CARMIL1: variants seen among roughly 807,000 people sequenced by gnomAD.
The protein encoded by CARMIL1 is F-actin-uncapping protein LRRC16A.
Under a neutral mutation model 177.1 loss-of-function variants are expected in CARMIL1, and 90 were observed. The ratio of observed to expected loss-of-function variants is 0.51; its 90% CI spans 0.43 to 0.61. CARMIL1 has a LOEUF of 0.61. Among genes scored for constraint, CARMIL1 ranks in the 20% least tolerant of loss-of-function variants. CARMIL1 has a pLI of 0.00. For synonymous variants in CARMIL1, 577 were observed against 606.2 expected (o/e 0.95, Z 0.71); for missense variants, 1,380 against 1,667.0 (o/e 0.83, Z 3.00).
rs1759640666 is a variant in CARMIL1, at chr6:25,620,321, T to C, written c.*738T>C. The C allele has an allele frequency of 6.6e-6, 1 of 152,136 alleles. No individual in the cohort carries two copies. Among genetic ancestry groups the C allele is most frequent in the South Asian group, 2.1e-4 (1 of 4,822 alleles). 9.4% of individuals were successfully genotyped at this position (152,136 alleles called of 1,614,324 possible). On this transcript the variant is annotated 3_prime_UTR_variant, in exon 37 of 37. Transcript: ENST00000329474. Reference sequence around the variant, plus strand: ...ATGTATATAGTTGATTGGAATGAGGTTTTATGAATATTCATGTTTTTGAAG... The same window carrying C: ...ATGTATATAGTTGATTGGAATGAGGCTTTATGAATATTCATGTTTTTGAAG...
chr6:25,486,330 A>T (rs1802653504), intron 12 of CARMIL1, among the ~76,000 whole-genome samples: 1 of 152,136 alleles, frequency 6.6e-6, no homozygotes, highest in Non-Finnish European at 1.5e-5. Context: ...CATGAAGCTG[A>T]GCTGATAACA....
At chr6:25,467,736 G>C (rs1478751608) in intron 9 of CARMIL1, among the ~76,000 whole-genome samples, 2 of 152,128 alleles carry the variant, frequency 1.3e-5, no homozygotes, top group African/African-American at 4.8e-5. Flanking sequence ...GGATGTGAGG[G>C]CTGCTTATGC....
chr6:25,352,623 G>T (rs1434458130), intron 2 of CARMIL1, among the ~76,000 whole-genome samples: 1 of 152,050 alleles, frequency 6.6e-6, no homozygotes, highest in Non-Finnish European at 1.5e-5. Context: ...GTTTTTTAAA[G>T]CTTATTTATT....
intron 23 of CARMIL1, among the ~76,000 whole-genome samples, chr6:25,521,738 C>G (rs1806586120): frequency 6.7e-6 from 1 of 150,000 alleles, no homozygotes; most frequent in Non-Finnish European, 1.5e-5. Flanking sequence ...CCACTGCACT[C>G]CAGCCTGGCC....
Position 25,556,856 on chromosome 6 carries a change from AC to A in CARMIL1, c.2742+7del, listed in dbSNP as rs769724471. ...AAGATCTGGATACCTGTATGGTAAG[AC>A]ACATCCTCTGGTGGTACCGTTACCC... On this transcript the variant is annotated splice_region_variant and intron_variant, in intron 29 of 36. Transcript: ENST00000329474. 1.6e-5 allele frequency: 25 copies of A among 1,612,604 alleles called. No homozygotes were observed. Among genetic ancestry groups the A allele is most frequent in the Non-Finnish European group, 2.0e-5 (24 of 1,179,354 alleles).
intron 2 of CARMIL1, among the ~76,000 whole-genome samples, chr6:25,285,711 G>A (rs1388619130): frequency 6.6e-6 from 1 of 151,918 alleles, no homozygotes; most frequent in Non-Finnish European, 1.5e-5. Context: ...ATAGTATATC[G>A]AACTCTGTGT....
intron 2 of CARMIL1, among the ~76,000 whole-genome samples, chr6:25,357,370 C>T (rs758869277): frequency 6.6e-6 from 1 of 152,086 alleles, no homozygotes; most frequent in Non-Finnish European, 1.5e-5. Context: ...TCACTTGAGG[C>T]CGGGAGTTCG....
chr6:25,539,540 G>C (rs970403230), intron 25 of CARMIL1, among the ~76,000 whole-genome samples: 1 of 145,788 alleles, frequency 6.9e-6, no homozygotes, highest in African/African-American at 2.6e-5. Flanking sequence ...CAGGAGAATC[G>C]CTTGAACCCG....
intron 26 of CARMIL1, among the ~76,000 whole-genome samples, chr6:25,542,297 A>G (rs1220252677): frequency 6.6e-6 from 1 of 152,220 alleles, no homozygotes; most frequent in Non-Finnish European, 1.5e-5. Context: ...TTCTTAGGAA[A>G]GGGCAGAAGG....
At chr6:25,463,354 A>G (rs991381791) in intron 8 of CARMIL1, among the ~76,000 whole-genome samples, 1 of 152,216 alleles carries the variant, frequency 6.6e-6, no homozygotes, top group Non-Finnish European at 1.5e-5. Flanking sequence ...TGTATACCTT[A>G]AAAATTTAAT....
intron 2 of CARMIL1, among the ~76,000 whole-genome samples, chr6:25,385,539 T>C (rs1375677383): frequency 1.3e-5 from 2 of 152,206 alleles, no homozygotes. Flanking sequence ...TGCCCTGTTA[T>C]AGTCATTTGG....
At chr6:25,475,026 G>T (rs1158224081) in intron 11 of CARMIL1, among the ~76,000 whole-genome samples, 1 of 152,214 alleles carries the variant, frequency 6.6e-6, no homozygotes, top group African/African-American at 2.4e-5. Context: ...TCTTAGAAAG[G>T]ATGTGAAGAA....
At chr6:25,404,798 C>T (rs1016130573) in intron 2 of CARMIL1, among the ~76,000 whole-genome samples, 6 of 150,736 alleles carry the variant, frequency 4.0e-5, no homozygotes, top group Non-Finnish European at 8.8e-5. Context: ...CCCTGCTTCA[C>T]ACTAGGAAGT....
chr6:25,395,362 T>C (rs1450968505), intron 2 of CARMIL1, among the ~76,000 whole-genome samples: 1 of 152,234 alleles, frequency 6.6e-6, no homozygotes, highest in East Asian at 1.9e-4. Context: ...TTGACACCGC[T>C]GAAAATTTAG....
At chr6:25,386,018 T>G (rs143937815) in intron 2 of CARMIL1, among the ~76,000 whole-genome samples, 4 of 152,362 alleles carry the variant, frequency 2.6e-5, no homozygotes, top group Non-Finnish European at 5.9e-5. Flanking sequence ...TCTTGCTTTC[T>G]CTCAACCATA....
In CARMIL1 at chr6:25,395,116, A is replaced by G. The variant is rs536500744; in HGVS notation, c.139-24998A>G. 5.3e-5 allele frequency among the ~76,000 whole-genome samples: 8 copies of G among 152,284 alleles called. No individual in the cohort carries two copies. In the East Asian group the frequency reaches 1.5e-3, roughly 29 times the overall value. On this transcript the variant is annotated intron_variant, in intron 2 of 36. Coordinates refer to ENST00000329474, the MANE Select transcript of CARMIL1 (RefSeq NM_017640.6). The stretch of plus-strand genomic sequence containing the variant: ...ACAAAAAAATGAAAATTAAAACCCT[A>G]CTGGGGACTAGGAGCTCGCTGAATT...
At chr6:25,444,325 AAAAAAAG>A (rs768024702) in intron 5 of CARMIL1, among the ~76,000 whole-genome samples, 14 of 152,294 alleles carry the variant, frequency 9.2e-5, no homozygotes, top group Non-Finnish European at 1.8e-4. Context: ...GGACATTAAA[AAAAAAAG>A]AAAAACAATC....
intron 2 of CARMIL1, among the ~76,000 whole-genome samples, chr6:25,398,002 G>A (rs1793567190): frequency 6.6e-6 from 1 of 152,110 alleles, no homozygotes; most frequent in Non-Finnish European, 1.5e-5. Context: ...TAATATTGAT[G>A]TTATTTAATG....
intron 11 of CARMIL1, among the ~76,000 whole-genome samples, chr6:25,480,855 G>C (rs1188750832): frequency 6.7e-6 from 1 of 150,228 alleles, no homozygotes; most frequent in East Asian, 2.0e-4. Flanking sequence ...GGAGTAGTTG[G>C]AACTACCCGC....
Sources: gnomAD v4.1 joint callset for allele counts (sites outside exome capture counted in the v4.1 genomes callset) on GRCh38, gnomAD v4.1.1 for gene constraint, MANE v1.5 for transcripts, NCBI Gene and HGNC (gene_info 2026-07-23, HGNC 2026-07-21) for gene names.